The following PKN2 variants were observed in gnomAD, a reference collection of about 807,000 sequenced individuals.
The protein encoded by PKN2 is serine/threonine-protein kinase N2.
A neutral mutation model predicts 119.1 loss-of-function variants in PKN2; 38 were observed. The ratio of observed to expected loss-of-function variants is 0.32; its 90% CI spans 0.25 to 0.42. The LOEUF (loss-of-function observed/expected upper bound fraction) is 0.42, where lower values mean the gene tolerates loss of function less well. Ranked by LOEUF, PKN2 falls within the 10% of genes least tolerant of loss-of-function variation. The pLI, the probability that PKN2 is intolerant of heterozygous loss-of-function variation, is 1.00. For synonymous variants in PKN2, 390 were observed against 384.9 expected (o/e 1.01, Z -0.15); for missense variants, 850 against 1,165.1 (o/e 0.73, Z 3.94).
intron 8 of PKN2, among the ~76,000 whole-genome samples, chr1:88,793,073 A>G (rs1670911201): frequency 6.6e-6 from 1 of 152,156 alleles, no homozygotes; most frequent in Non-Finnish European, 1.5e-5. Context: ...CCATAAGAGC[A>G]TTAGGAGGTG....
At chr1:88,815,867 G>A (rs916016954) in intron 16 of PKN2, among the ~76,000 whole-genome samples, 3 of 152,102 alleles carry the variant, frequency 2.0e-5, no homozygotes, top group African/African-American at 7.2e-5. Flanking sequence ...AGCGGGGAGC[G>A]GTGGCTCCAT....
Position 88,698,319 on chromosome 1 carries a change from C to T in PKN2, c.48+13691C>T, listed in dbSNP as rs74849156. 5.0e-3 allele frequency among the ~76,000 whole-genome samples: 759 copies of T among 152,232 alleles called. 4 individuals carry two copies. The highest frequency in any genetic ancestry group is 0.017 in the African/African-American group (715 of 41,544). On this transcript the variant is annotated intron_variant, in intron 1 of 21. Coordinates refer to ENST00000370521, the MANE Select transcript of PKN2 (RefSeq NM_006256.4). ...AAGCTTTATTTAGCACTGACCTTGA[C>T]AGAGATTCACTCAAGGACCCCCCTG...
intron 8 of PKN2, among the ~76,000 whole-genome samples, chr1:88,789,676 T>G (rs1227059917): frequency 6.6e-6 from 1 of 150,642 alleles, no homozygotes; most frequent in African/African-American, 2.4e-5. Context: ...ATAATAATAA[T>G]AATAATAATA....
At chr1:88,707,470 T>C (rs914642749) in intron 1 of PKN2, among the ~76,000 whole-genome samples, 3 of 152,158 alleles carry the variant, frequency 2.0e-5, no homozygotes, top group Non-Finnish European at 4.4e-5. Flanking sequence ...ATTATATGAA[T>C]TGCTTATGAT....
chr1:88,765,219 G>A lies in PKN2; in HGVS notation c.504+4843G>A, dbSNP rs186320465. 1.1e-4 allele frequency among the ~76,000 whole-genome samples: 16 copies of A among 150,202 alleles called. No homozygotes were observed. In the East Asian group the frequency reaches 2.8e-3, roughly 26 times the overall value. Reference sequence around the variant, plus strand: ...GCTAGGATTACAGGCGTGAGCTACCGTGCCCAGCCTTGTCTCCTGTTTATA... The same window carrying A: ...GCTAGGATTACAGGCGTGAGCTACCATGCCCAGCCTTGTCTCCTGTTTATA... On this transcript the variant is annotated intron_variant, in intron 3 of 21. Coordinates refer to ENST00000370521, the MANE Select transcript of PKN2 (RefSeq NM_006256.4).
intron 6 of PKN2, among the ~76,000 whole-genome samples, chr1:88,777,730 A>G (rs1204530938): frequency 2.0e-5 from 3 of 152,150 alleles, no homozygotes; most frequent in East Asian, 1.9e-4. Context: ...AACCTGAAAC[A>G]CTAGTTCAGG....
intron 2 of PKN2, among the ~76,000 whole-genome samples, chr1:88,748,029 C>T (rs910502490): frequency 3.9e-5 from 6 of 151,982 alleles, no homozygotes; most frequent in African/African-American, 1.2e-4. Flanking sequence ...GATTTGTTTC[C>T]TTGTCTTTAA....
intron 3 of PKN2, among the ~76,000 whole-genome samples, chr1:88,762,257 G>A (rs1003745217): frequency 6.6e-6 from 1 of 152,188 alleles, no homozygotes; most frequent in Non-Finnish European, 1.5e-5. Flanking sequence ...CAGATCCAAA[G>A]TGAACAAGGC....
chr1:88,832,628 G>GTTGTTGTTA lies in PKN2; in HGVS notation c.2563-111_2563-110insGTTATTGTT, dbSNP rs887994798. 3 of 614,418 alleles carry GTTGTTGTTA rather than the reference G, an allele frequency of 4.9e-6. No homozygotes were observed. In the African/African-American group the frequency reaches 5.6e-5, roughly 11 times the overall value. The allele number at this position is 614,418 out of a possible 1,614,324, so 38.1% of individuals were successfully genotyped here. A position where few individuals can be genotyped will look rare whatever the true frequency, so the allele number is the denominator to read the frequency against. On this transcript the variant is annotated intron_variant, in intron 19 of 21. Transcript: ENST00000370521. ...GTTTATTGTTGTTGTTGTTGTTGTT[G>GTTGTTGTTA]TTGTTTTGTCTGTTTTTTCTTTTTC...
At chr1:88,776,447 A>G (rs757126619) in intron 6 of PKN2, among the ~76,000 whole-genome samples, 15 of 151,370 alleles carry the variant, frequency 9.9e-5, no homozygotes, top group Non-Finnish European at 4.4e-5. Context: ...CCAGCACTTA[A>G]AAAAATGTCC....
At chr1:88,826,181 T>A (rs1279335086) in intron 18 of PKN2, among the ~76,000 whole-genome samples, 1 of 152,206 alleles carries the variant, frequency 6.6e-6, no homozygotes, top group African/African-American at 2.4e-5. Context: ...GACTGTGTCT[T>A]ACTCTCGTTT....
At chr1:88,805,700 T>G in intron 11 of PKN2, 29 bp downstream of exon 11, 1 of 1,610,360 alleles carries the variant, frequency 6.2e-7, no homozygotes, top group Non-Finnish European at 8.5e-7. Flanking sequence ...AAGCATCTCT[T>G]ATACAAAGTT....
intron 2 of PKN2, among the ~76,000 whole-genome samples, chr1:88,753,438 A>G (rs1443382570): frequency 6.6e-6 from 1 of 152,116 alleles, no homozygotes; most frequent in Non-Finnish European, 1.5e-5. Context: ...TTCATTGTTG[A>G]AAGATATTTT....
intron 2 of PKN2, among the ~76,000 whole-genome samples, chr1:88,747,157 TTTAG>T (rs1302264415): frequency 4.6e-5 from 7 of 152,234 alleles, no homozygotes; most frequent in Admixed American, 6.5e-5. Flanking sequence ...GTTAAAAAGT[TTTAG>T]TTAGACAGGA....
chr1:88,705,906 G>A (rs1666983473), intron 1 of PKN2, among the ~76,000 whole-genome samples: 2 of 151,746 alleles, frequency 1.3e-5, no homozygotes, highest in Admixed American at 6.6e-5. Context: ...TTTTTTATAA[G>A]TCTCGGAATC....
At chr1:88,685,167 ATGTT>A (rs1666038118) in intron 1 of PKN2, 2 of 151,670 alleles carry the variant, frequency 1.3e-5, no homozygotes, top group African/African-American at 4.9e-5. Flanking sequence ...GTCTCACCAA[ATGTT>A]TGCTTCACTT....
chr1:88,695,927 C>T (rs111557189), intron 1 of PKN2, among the ~76,000 whole-genome samples: 25 of 151,946 alleles, frequency 1.6e-4, no homozygotes, highest in Admixed American at 9.8e-4. Flanking sequence ...CCTTGTCTAC[C>T]GTTTATTTAG....
In PKN2 at chr1:88,790,895, T is replaced by C. The variant is rs141330629; in HGVS notation, c.1281+4682T>C. Among the ~76,000 whole-genome samples the C allele has an allele frequency of 1.5e-4, 23 of 152,294 alleles. No individual in the cohort carries two copies. The East Asian group carries it at 4.0e-3, about 27-fold the overall frequency. ...TTACAACTGAAAAATTTACATTTGA[T>C]GTCATATTTTTAATTTTTAGAAGTT... On this transcript the variant is annotated intron_variant, in intron 8 of 21. Coordinates refer to ENST00000370521, the MANE Select transcript of PKN2 (RefSeq NM_006256.4).
At chr1:88,703,782 A>G (rs1235941264) in intron 1 of PKN2, among the ~76,000 whole-genome samples, 1 of 152,152 alleles carries the variant, frequency 6.6e-6, no homozygotes, top group Non-Finnish European at 1.5e-5. Context: ...ATCTCATTTT[A>G]CAGGTTAGAA....
Sources: gnomAD v4.1 joint callset for allele counts (sites outside exome capture counted in the v4.1 genomes callset) on GRCh38, gnomAD v4.1.1 for gene constraint, MANE v1.5 for transcripts, NCBI Gene and HGNC (gene_info 2026-07-23, HGNC 2026-07-21) for gene names.